The following CNOT6L variants were observed in gnomAD, a reference collection of about 807,000 sequenced individuals.
CNOT6L encodes CCR4-NOT transcription complex subunit 6-like.
Under a neutral mutation model 64.0 loss-of-function variants are expected in CNOT6L, and 7 were observed. That is an observed-to-expected ratio of 0.11 (90% confidence interval 0.06 to 0.21). The LOEUF (loss-of-function observed/expected upper bound fraction) is 0.21. CNOT6L is among the 10% of genes least tolerant of loss of function. The pLI, the probability that CNOT6L is intolerant of heterozygous loss-of-function variation, is 1.00. For synonymous variants in CNOT6L, 193 were observed against 243.4 expected (o/e 0.79, Z 1.93); for missense variants, 245 against 669.0 (o/e 0.37, Z 6.99).
intron 5 of CNOT6L, among the ~76,000 whole-genome samples, chr4:77,755,579 T>C (rs1274094205): frequency 6.6e-6 from 1 of 152,228 alleles, no homozygotes; most frequent in African/African-American, 2.4e-5. Context: ...CTTCATTAAA[T>C]TGCCACATAT....
At chr4:77,768,316 T>G (rs532129711) in intron 4 of CNOT6L, among the ~76,000 whole-genome samples, 7 of 151,510 alleles carry the variant, frequency 4.6e-5, no homozygotes, top group Non-Finnish European at 1.0e-4. Flanking sequence ...AATACAAAAA[T>G]TAGCCAGGCA....
At chr4:77,819,072 A>ACACACACACACC in intron 1 of CNOT6L, 1 of 729,838 alleles carries the variant, frequency 1.4e-6, no homozygotes, top group Non-Finnish European at 2.4e-6. Context: ...ACACACACAC[A>ACACACACACACC]CACCCCGGAA....
chr4:77,733,346 G>GA (rs1722640501), intron 8 of CNOT6L, among the ~76,000 whole-genome samples: 2 of 151,836 alleles, frequency 1.3e-5, no homozygotes, highest in Non-Finnish European at 2.9e-5. Flanking sequence ...CCTATACTCA[G>GA]AAAAAAGAAG....
chr4:77,782,514 T>A (rs983122915), intron 1 of CNOT6L, among the ~76,000 whole-genome samples: 5 of 150,752 alleles, frequency 3.3e-5, no homozygotes, highest in South Asian at 2.1e-4. Flanking sequence ...ATTTTATTTT[T>A]TTTTTTAGTA....
chr4:77,721,096 G>T (rs1721227344), intron 11 of CNOT6L, among the ~76,000 whole-genome samples: 1 of 152,174 alleles, frequency 6.6e-6, no homozygotes, highest in Non-Finnish European at 1.5e-5. Flanking sequence ...ACACCTGACT[G>T]AAGCTATAGT....
chr4:77,744,339 C>A (rs1456653701), intron 7 of CNOT6L, among the ~76,000 whole-genome samples: 1 of 149,552 alleles, frequency 6.7e-6, no homozygotes, highest in African/African-American at 2.5e-5. Flanking sequence ...TAACTGTGGG[C>A]AAGCTTTTTT....
intron 1 of CNOT6L, among the ~76,000 whole-genome samples, chr4:77,811,874 T>TAAAAAAAAAAAA (rs34864447): frequency 7.1e-6 from 1 of 140,924 alleles, no homozygotes. Context: ...AGGAGCAGTT[T>TAAAAAAAAAAAA]AAAAAAAAAA....
rs181570518 is a variant in CNOT6L, at chr4:77,814,217, C to T, written c.5+5087G>A. Among the ~76,000 whole-genome samples, 31 of 152,124 alleles carry T rather than the reference C, an allele frequency of 2.0e-4. 1 individual carries two copies. In the East Asian group the frequency reaches 5.2e-3, roughly 26 times the overall value. On this transcript the variant is annotated intron_variant, in intron 1 of 11. Transcript: ENST00000504123. ...AGTAGTAATTGCCTAGAACTAGGGG[C>T]ATAAGAGAATGAAGGGTGACTCTTG...
chr4:77,748,196 T>A, intron 6 of CNOT6L, 120 bp downstream of exon 6: 1 of 736,148 alleles, frequency 1.4e-6, no homozygotes, highest in Non-Finnish European at 2.4e-6. Context: ...TCCATCAGTA[T>A]TTTTAAATGC....
intron 11 of CNOT6L, among the ~76,000 whole-genome samples, chr4:77,723,364 A>G (rs1479800711): frequency 1.3e-5 from 2 of 152,224 alleles, no homozygotes; most frequent in Non-Finnish European, 2.9e-5. Flanking sequence ...TAAGCTAAGC[A>G]AACAAAATTT....
At chr4:77,800,122 A>G (rs776370795) in intron 1 of CNOT6L, among the ~76,000 whole-genome samples, 2 of 152,122 alleles carry the variant, frequency 1.3e-5, no homozygotes, top group Non-Finnish European at 2.9e-5. Context: ...TGAACTTGAT[A>G]GTATCAAAAA....
In CNOT6L at chr4:77,720,183, T is replaced by C. The variant is rs1021526997; in HGVS notation, c.*248A>G. The C allele has an allele frequency of 2.6e-6, 1 of 391,180 alleles. No homozygotes were observed. Among genetic ancestry groups the C allele is most frequent in the Non-Finnish European group, 4.6e-6 (1 of 215,816 alleles). 24.2% of individuals were successfully genotyped at this position (391,180 alleles called of 1,614,324 possible). ...TTTTGAATGCTGGCTGTTAATACAA[T>C]ATAAAGAAGGTCCAATTTAAAAACA... On this transcript the variant is annotated 3_prime_UTR_variant, in exon 12 of 12. Coordinates refer to ENST00000504123, the MANE Select transcript of CNOT6L (RefSeq NM_144571.3).
chr4:77,735,867 G>A (rs1423620965), intron 8 of CNOT6L, among the ~76,000 whole-genome samples: 1 of 152,032 alleles, frequency 6.6e-6, no homozygotes, highest in Non-Finnish European at 1.5e-5. Flanking sequence ...TCTTAGTAAT[G>A]ATCATAGGTT....
At position 77,726,385 on chromosome 4, in the gene CNOT6L, A is replaced by G. The variant is rs1276029012; in HGVS notation, c.1253-16T>C. On this transcript the variant is annotated splice_polypyrimidine_tract_variant and intron_variant, in intron 10 of 11. Coordinates refer to ENST00000504123, the MANE Select transcript of CNOT6L (RefSeq NM_144571.3). ...TCCACAACACCTGGTAGAATAAAGA[A>G]GAGACACTTCCATTTAGCATTTAGA... 1 of 1,592,508 alleles carries G rather than the reference A, an allele frequency of 6.3e-7. No homozygotes were observed. Among genetic ancestry groups the G allele is most frequent in the African/African-American group, 1.3e-5 (1 of 74,224 alleles).
At chr4:77,806,786 G>A (rs1732275183) in intron 1 of CNOT6L, among the ~76,000 whole-genome samples, 2 of 151,928 alleles carry the variant, frequency 1.3e-5, no homozygotes, top group Admixed American at 6.6e-5. Flanking sequence ...GTTCCCACTC[G>A]AGCCCTAGAA....
At chr4:77,741,061 G>A (rs773609943) in intron 8 of CNOT6L, among the ~76,000 whole-genome samples, 6 of 152,140 alleles carry the variant, frequency 3.9e-5, no homozygotes, top group Non-Finnish European at 8.8e-5. Context: ...GTAGTTAAGA[G>A]ATACGTAGTT....
chr4:77,772,926 CA>C (rs1438939727), intron 4 of CNOT6L, among the ~76,000 whole-genome samples, 154 bp downstream of exon 4: 1 of 151,578 alleles, frequency 6.6e-6, no homozygotes, highest in Non-Finnish European at 1.5e-5. Context: ...CCGTCTCAAA[CA>C]AACAAACAAA....
At chr4:77,795,965 A>C (rs1348273480) in intron 1 of CNOT6L, among the ~76,000 whole-genome samples, 1 of 152,060 alleles carries the variant, frequency 6.6e-6, no homozygotes, top group Admixed American at 6.5e-5. Flanking sequence ...TTTTTTATTC[A>C]TTGAAAGTGA....
chr4:77,762,711 C>T (rs901085892), intron 4 of CNOT6L, among the ~76,000 whole-genome samples: 2 of 152,002 alleles, frequency 1.3e-5, no homozygotes, highest in Non-Finnish European at 2.9e-5. Context: ...TATGCTAAAC[C>T]AAAGAATCCA....
Sources: allele counts gnomAD v4.1 joint callset (sites outside exome capture counted in the v4.1 genomes callset), GRCh38; gene constraint gnomAD v4.1.1; transcripts MANE v1.5; gene names NCBI Gene and HGNC (gene_info 2026-07-23, HGNC 2026-07-21).